Variants in NRG3 observed in about 807,000 individuals in gnomAD.
NRG3 encodes neuregulin 3, also known as pro-neuregulin-3, membrane-bound isoform.
A neutral mutation model predicts 66.9 loss-of-function variants in NRG3; 31 were observed. The ratio of observed to expected loss-of-function variants is 0.46; its 90% CI spans 0.35 to 0.63. NRG3 has a LOEUF of 0.63. NRG3 is among the 20% of genes least tolerant of loss of function. NRG3 has a pLI of 0.00. For synonymous variants in NRG3, 393 were observed against 359.4 expected (o/e 1.09, Z -1.06); for missense variants, 910 against 878.9 (o/e 1.04, Z -0.45).
intron 1 of NRG3, chr10:82,232,838 C>G (rs532929279): frequency 1.4e-6 from 1 of 717,168 alleles, no homozygotes; most frequent in East Asian, 2.7e-5. Flanking sequence ...TAAGGCATGG[C>G]CTTTGTTGGG....
chr10:82,639,882 T>C (rs2050447040), intron 2 of NRG3, among the ~76,000 whole-genome samples: 1 of 152,178 alleles, frequency 6.6e-6, no homozygotes, highest in Non-Finnish European at 1.5e-5. Flanking sequence ...GTATTAAGCC[T>C]ATACCCATTA....
At chr10:82,433,485 A>C (rs778350307) in intron 2 of NRG3, among the ~76,000 whole-genome samples, 1 of 151,990 alleles carries the variant, frequency 6.6e-6, no homozygotes, top group Non-Finnish European at 1.5e-5. Flanking sequence ...CCCATTTGTC[A>C]ATTTTGGCTC....
intron 2 of NRG3, among the ~76,000 whole-genome samples, chr10:82,389,825 A>G (rs539200948): frequency 6.6e-6 from 1 of 152,330 alleles, no homozygotes; most frequent in South Asian, 2.1e-4. Context: ...ATGAGAACAC[A>G]TGTAGAGTCT....
At chr10:82,765,792 GAC>G (rs761317144) in intron 3 of NRG3, among the ~76,000 whole-genome samples, 40 of 152,130 alleles carry the variant, frequency 2.6e-4, no homozygotes, top group Non-Finnish European at 4.7e-4. Context: ...AAGGTTTGTA[GAC>G]TGAATTTTAG....
At chr10:82,738,528 G>A (rs552903174) in intron 2 of NRG3, 49 bp from the exon 3 acceptor site, 3 of 1,432,546 alleles carry the variant, frequency 2.1e-6, no homozygotes, top group South Asian at 2.3e-5. Context: ...GAAATCTTAA[G>A]TCTTTCACAA....
intron 4 of NRG3, among the ~76,000 whole-genome samples, chr10:82,927,791 C>G (rs1847157216): frequency 6.6e-6 from 1 of 152,148 alleles, no homozygotes. Flanking sequence ...GTGAACAGTG[C>G]TGCAATAAAC....
intron 1 of NRG3, among the ~76,000 whole-genome samples, chr10:82,351,308 T>C (rs2083427044): frequency 6.6e-6 from 1 of 152,160 alleles, no homozygotes; most frequent in African/African-American, 2.4e-5. Context: ...TAAAGACACA[T>C]TTGGGAAATA....
chr10:82,245,692 CAATT>C (rs2077205367), intron 1 of NRG3, among the ~76,000 whole-genome samples: 1 of 152,080 alleles, frequency 6.6e-6, no homozygotes, highest in African/African-American at 2.4e-5. Flanking sequence ...TAAAAACATT[CAATT>C]AATAGCAACT....
intron 2 of NRG3, among the ~76,000 whole-genome samples, chr10:82,413,639 A>T (rs2088298394): frequency 6.6e-6 from 1 of 152,170 alleles, no homozygotes; most frequent in South Asian, 2.1e-4. Flanking sequence ...TTTAGATGGC[A>T]TCCCTTCCAT....
chr10:82,008,196 C>T (rs957206454), intron 1 of NRG3, among the ~76,000 whole-genome samples: 1 of 152,060 alleles, frequency 6.6e-6, no homozygotes, highest in Non-Finnish European at 1.5e-5. Flanking sequence ...CTCTGAAGCA[C>T]AAGTGTAGCA....
intron 4 of NRG3, among the ~76,000 whole-genome samples, chr10:82,877,316 A>G (rs968167097): frequency 6.6e-6 from 1 of 151,460 alleles, no homozygotes; most frequent in Non-Finnish European, 1.5e-5. Flanking sequence ...GCCAGCTACA[A>G]TAAGTCAAAT....
At chr10:82,878,810 C>G (rs1174884883) in intron 4 of NRG3, among the ~76,000 whole-genome samples, 2 of 152,150 alleles carry the variant, frequency 1.3e-5, no homozygotes, top group African/African-American at 4.8e-5. Context: ...CTGCATGAAA[C>G]TTTTTAATGG....
At position 82,885,290 on chromosome 10, in the gene NRG3, A is replaced by G. The variant is rs376536071; in HGVS notation, c.1054+19853A>G. Among the ~76,000 whole-genome samples, 23 of 152,276 alleles carry G rather than the reference A, an allele frequency of 1.5e-4. No homozygotes were observed. The East Asian group carries it at 2.7e-3, about 18-fold the overall frequency. On this transcript the variant is annotated intron_variant, in intron 4 of 8. Coordinates refer to ENST00000372141, the MANE Select transcript of NRG3 (RefSeq NM_001010848.4). The stretch of plus-strand genomic sequence containing the variant: ...CAAAAGCATGATGCTCCTGTAGCTG[A>G]AACAGGAGCATTATCTTTGGGAAAG...
chr10:82,062,622 A>T (rs1010350461), intron 1 of NRG3, among the ~76,000 whole-genome samples: 7 of 139,610 alleles, frequency 5.0e-5, no homozygotes, highest in African/African-American at 2.3e-4. Flanking sequence ...AAAGAAAAAG[A>T]AAAAAAATAA....
rs2077280256 is a variant in NRG3 at position 82,247,105 on chromosome 10, TCTC to T, written c.824-111630_824-111628del. On this transcript the variant is annotated intron_variant, in intron 1 of 8. Coordinates refer to ENST00000372141, the MANE Select transcript of NRG3 (RefSeq NM_001010848.4). ...CCTTGGAAGTGAGGGGAAACATTGT[TCTC>T]CTCAGCAAACCTGGTCTAACATGTC... 2.6e-5 allele frequency among the ~76,000 whole-genome samples: 4 copies of T among 152,288 alleles called. No individual in the cohort carries two copies. The South Asian group carries it at 8.3e-4, about 32-fold the overall frequency.
chr10:82,070,586 GA>G (rs2064750918), intron 1 of NRG3, among the ~76,000 whole-genome samples: 1 of 151,766 alleles, frequency 6.6e-6, no homozygotes. Context: ...TGACAAACTG[GA>G]AAAATAATAA....
intron 2 of NRG3, among the ~76,000 whole-genome samples, chr10:82,510,967 A>G (rs1197028756): frequency 1.3e-5 from 2 of 152,228 alleles, no homozygotes; most frequent in Non-Finnish European, 2.9e-5. Context: ...AATATTTATT[A>G]CATGAGTGAA....
At chr10:82,324,776 T>C (rs1172939949) in intron 1 of NRG3, among the ~76,000 whole-genome samples, 3 of 152,240 alleles carry the variant, frequency 2.0e-5, no homozygotes, top group Non-Finnish European at 2.9e-5. Context: ...AGCACATGCA[T>C]TGTATGAGTT....
chr10:82,105,207 A>G (rs1170906991), intron 1 of NRG3, among the ~76,000 whole-genome samples: 1 of 152,176 alleles, frequency 6.6e-6, no homozygotes, highest in African/African-American at 2.4e-5. Flanking sequence ...GGGCTCATCA[A>G]TTTTCATTAT....
Sources: allele counts gnomAD v4.1 joint callset (sites outside exome capture counted in the v4.1 genomes callset), GRCh38; gene constraint gnomAD v4.1.1; transcripts MANE v1.5; gene names NCBI Gene and HGNC (gene_info 2026-07-23, HGNC 2026-07-21).